Variants in CWC15 observed in about 807,000 individuals in gnomAD.
CWC15 encodes the protein spliceosome-associated protein CWC15 homolog.
CWC15 carries 12 observed loss-of-function variants against 28.4 expected under a neutral mutation model. The observed-to-expected ratio is 0.42, with a 90% confidence interval of 0.27 to 0.69. The LOEUF (loss-of-function observed/expected upper bound fraction) is 0.69. Among genes scored for constraint, CWC15 ranks in the 30% least tolerant of loss-of-function variants. CWC15 has a pLI of 0.23. For synonymous variants in CWC15, 92 were observed against 88.4 expected, an observed-to-expected ratio of 1.04 and a Z score of -0.23; for missense variants, 192 against 271.5, an observed-to-expected ratio of 0.71 and a Z score of 2.06.
At chr11:94,967,715 A>G (rs1002553600) in intron 5 of CWC15, among the ~76,000 whole-genome samples, 11 of 152,258 alleles carry the variant, frequency 7.2e-5, no homozygotes, top group Admixed American at 2.6e-4. Flanking sequence ...ATAAAAATCA[A>G]AATGGGAGGT....
chr11:94,970,940 T>C, intron 4 of CWC15, 37 bp downstream of exon 4: 2 of 1,469,212 alleles, frequency 1.4e-6, no homozygotes, highest in Non-Finnish European at 1.9e-6. Flanking sequence ...GCATGGTAAA[T>C]CAATTATTAG....
In CWC15 at chr11:94,966,477, T is replaced by G. The variant is rs1356365753; in HGVS notation, c.442-64A>C. The G allele has an allele frequency of 3.0e-5, 31 of 1,037,040 alleles. 1 individual carries two copies. Among genetic ancestry groups the G allele is most frequent in the Admixed American group, 2.8e-5 (1 of 35,748 alleles). The allele number at this position is 1,037,040 out of a possible 1,614,324, so 64.2% of individuals were successfully genotyped here. On this transcript the variant is annotated intron_variant, in intron 5 of 6. Transcript: ENST00000279839. ...AACTCTGGGTTCAATTTTTTTTATA[T>G]TAGCTCACTGAAAAAAAAAACAAAA...
intron 4 of CWC15, 159 bp from the exon 5 acceptor site, chr11:94,970,255 G>T: frequency 4.8e-6 from 2 of 415,190 alleles, no homozygotes; most frequent in East Asian, 7.2e-5. Context: ...GTGCAAAAAA[G>T]TGTGCTAAAT....
rs587675239 is a variant in CWC15, at chr11:94,968,022, A to G, written c.442-1609T>C. Among the ~76,000 whole-genome samples the G allele has an allele frequency of 2.0e-5, 3 of 152,356 alleles. No individual in the cohort carries two copies. The East Asian group carries it at 5.8e-4, about 29-fold the overall frequency. On this transcript the variant is annotated intron_variant, in intron 5 of 6. Coordinates refer to ENST00000279839, the MANE Select transcript of CWC15 (RefSeq NM_016403.4). The stretch of plus-strand genomic sequence containing the variant: ...CTGAATGATTGCCACACAGAGCACT[A>G]GGAAAAAAGGCATAAACTCTTTCTA...
intron 6 of CWC15, 63 bp downstream of exon 6, chr11:94,966,226 TACACAC>T (rs58215154): frequency 0.014 from 9,050 of 669,876 alleles, 114 homozygotes; most frequent in African/African-American, 0.072. Flanking sequence ...CATACACATA[TACACAC>T]ACACACACAC....
At chr11:94,969,907 A>G (rs1857695902) in intron 5 of CWC15, 82 bp downstream of exon 5, 1 of 682,362 alleles carries the variant, frequency 1.5e-6, no homozygotes, top group East Asian at 3.1e-5. Context: ...CTAATATAAG[A>G]AGATATTACT....
At position 94,972,097 on chromosome 11, in the gene CWC15, T is replaced by A; in HGVS notation, c.89A>T (p.Tyr30Phe). ...EGDLSQLSKQ[Y>F]SSRDLPSHTK... ...ATGAGAGGGTAGGTCTCTGCTTGAA[T>A]ACTGCTTTGAAAGTTGGCTCAAATC... Residue 30 changes from tyrosine (Y) to phenylalanine (F), a missense_variant, in exon 2 of 7, where the codon TAT (tyrosine) becomes TTT (phenylalanine). By Grantham distance (22) the Tyr-to-Phe change is conservative. Around this residue, in one of 2 missense-constraint regions of CWC15, gnomAD observed 188 missense variants for 250.3 expected, o/e 0.75. Coordinates refer to ENST00000279839, the MANE Select transcript of CWC15 (RefSeq NM_016403.4). 6.2e-7 allele frequency: 1 copy of A among 1,613,902 alleles called. No homozygotes were observed. Among genetic ancestry groups the A allele is most frequent in the Middle Eastern group, 1.7e-4 (1 of 6,058 alleles).
At chr11:94,970,913 A>G (rs1555096076) in intron 4 of CWC15, 64 bp downstream of exon 4, 4 of 1,296,742 alleles carry the variant, frequency 3.1e-6, no homozygotes, top group Non-Finnish European at 4.5e-6. Context: ...CAAAGACATA[A>G]CAAGTATTTT....
rs1382211873 is a variant in CWC15 at position 94,973,505 on chromosome 11, G to A, written c.-16C>T. On this transcript the variant is annotated 5_prime_UTR_variant, in exon 1 of 7. Coordinates refer to ENST00000279839, the MANE Select transcript of CWC15 (RefSeq NM_016403.4). ...TATCCTCTTGCCGCTCACACTGGCCGAGGTCCGATGCAGCAGGCTCCGAAG... is the reference window on the plus strand; with the variant it reads ...TATCCTCTTGCCGCTCACACTGGCCAAGGTCCGATGCAGCAGGCTCCGAAG... 1 of 152,406 alleles carries A rather than the reference G, an allele frequency of 6.6e-6. No homozygotes were observed. Among genetic ancestry groups the A allele is most frequent in the African/African-American group, 2.4e-5 (1 of 41,438 alleles). The allele number at this position is 152,406 out of a possible 1,614,324, so 9.4% of individuals were successfully genotyped here. A position where few individuals can be genotyped will look rare whatever the true frequency, so the allele number is the denominator to read the frequency against.
chr11:94,964,714 C>G (rs763039397), intron 6 of CWC15, among the ~76,000 whole-genome samples: 31 of 152,154 alleles, frequency 2.0e-4, no homozygotes, highest in Non-Finnish European at 4.3e-4. Flanking sequence ...ACTGGCTGCT[C>G]CTTGTTAGCC....
intron 5 of CWC15, among the ~76,000 whole-genome samples, chr11:94,967,095 G>A (rs1857656974): frequency 6.7e-6 from 1 of 150,162 alleles, no homozygotes; most frequent in Admixed American, 6.7e-5. Context: ...GCCCAGGCTG[G>A]AGTGCAATGG....
chr11:94,968,725 G>A (rs1590958976), intron 5 of CWC15, among the ~76,000 whole-genome samples: 3 of 152,296 alleles, frequency 2.0e-5, no homozygotes, highest in South Asian at 4.1e-4. Flanking sequence ...TGAATTCTAA[G>A]TCTTCAAAGT....
In CWC15 at chr11:94,963,515, C is replaced by A; in HGVS notation, c.561-1G>T. Reference sequence around the variant, plus strand: ...CTTGAAGACAACGTCATCATCCCACCTGAGGAAAAAAAAGCAAACAGAACG... The same window carrying A: ...CTTGAAGACAACGTCATCATCCCACATGAGGAAAAAAAAGCAAACAGAACG... On this transcript the variant is annotated splice_acceptor_variant, in intron 6 of 6. Transcript: ENST00000279839. LOFTEE classifies it high-confidence loss of function. The A allele has an allele frequency of 6.4e-7, 1 of 1,561,054 alleles. No homozygotes were observed. The highest frequency in any genetic ancestry group is 2.3e-5 in the East Asian group (1 of 43,190).
At chr11:94,970,855 A>G (rs1857709374) in intron 4 of CWC15, 122 bp downstream of exon 4, 1 of 822,198 alleles carries the variant, frequency 1.2e-6, no homozygotes, top group Non-Finnish European at 2.1e-6. Flanking sequence ...GGTCAGGGCT[A>G]TATTTGAATA....
intron 5 of CWC15, among the ~76,000 whole-genome samples, chr11:94,967,688 C>T (rs1046633631): frequency 6.6e-6 from 1 of 152,080 alleles, no homozygotes; most frequent in South Asian, 2.1e-4. Context: ...CAATGAATTT[C>T]ATTTTTATGA....
chr11:94,965,341 T>A (rs1857623999), intron 6 of CWC15, among the ~76,000 whole-genome samples: 1 of 152,262 alleles, frequency 6.6e-6, no homozygotes, highest in South Asian at 2.1e-4. Flanking sequence ...CAGCATTTCC[T>A]GTAAGCTTTT....
rs587601698 is a variant in CWC15 at position 94,962,731 on chromosome 11, G to A, written c.*654C>T. 3.3e-5 allele frequency: 5 copies of A among 152,304 alleles called. No homozygotes were observed. The East Asian group carries it at 7.7e-4, about 24-fold the overall frequency. The allele number at this position is 152,304 out of a possible 1,614,324, so 9.4% of individuals were successfully genotyped here. A position where few individuals can be genotyped will look rare whatever the true frequency, so the allele number is the denominator to read the frequency against. Reference sequence around the variant, plus strand: ...CTTTCAAAGGAAACATGGCAGTTGAGTATCCAGAACACAAGTGAGTACCGT... The same window carrying A: ...CTTTCAAAGGAAACATGGCAGTTGAATATCCAGAACACAAGTGAGTACCGT... On this transcript the variant is annotated 3_prime_UTR_variant, in exon 7 of 7. Transcript: ENST00000279839.
At chr11:94,967,552 A>C (rs1260261007) in intron 5 of CWC15, among the ~76,000 whole-genome samples, 1 of 152,254 alleles carries the variant, frequency 6.6e-6, no homozygotes, top group Admixed American at 6.5e-5. Context: ...GGGATAACAG[A>C]AATTGATGAC....
intron 6 of CWC15, 84 bp from the exon 7 acceptor site, chr11:94,963,598 G>C: frequency 8.5e-7 from 1 of 1,182,052 alleles, no homozygotes; most frequent in Non-Finnish European, 1.1e-6. Context: ...GGCTTAGTCA[G>C]TTACACAGAA....
Sources: gnomAD v4.1 joint callset for allele counts (sites outside exome capture counted in the v4.1 genomes callset) on GRCh38, gnomAD v4.1.1 for gene constraint, gnomAD v4.1.1 regional missense constraint, MANE v1.5 for transcripts, NCBI Gene and HGNC (gene_info 2026-07-23, HGNC 2026-07-21) for gene names.